The following NKAIN2 variants were observed in gnomAD, a reference collection of about 807,000 sequenced individuals.
NKAIN2 encodes sodium/potassium-transporting ATPase subunit beta-1-interacting protein 2.
A neutral mutation model predicts 32.6 loss-of-function variants in NKAIN2; 14 were observed. The observed-to-expected ratio is 0.43, with a 90% CI of 0.28 to 0.67. NKAIN2 has a LOEUF of 0.67. Among genes scored for constraint, NKAIN2 ranks in the 30% least tolerant of loss-of-function variants. The probability of loss-of-function intolerance (pLI) is 0.17; values close to 1 mark genes in which losing one functional copy is unlikely to be tolerated. For synonymous variants in NKAIN2, 80 were observed against 87.2 expected, an observed-to-expected ratio of 0.92 and a Z score of 0.46; for missense variants, 198 against 258.3, an observed-to-expected ratio of 0.77 and a Z score of 1.60.
intron 3 of NKAIN2, among the ~76,000 whole-genome samples, chr6:124,476,385 G>T (rs1777212855): frequency 7.1e-6 from 1 of 141,542 alleles, no homozygotes. Flanking sequence ...GAATTCATAT[G>T]TATGTATGTG....
intron 2 of NKAIN2, among the ~76,000 whole-genome samples, chr6:124,298,719 A>G (rs1437258944): frequency 6.6e-6 from 1 of 152,148 alleles, no homozygotes; most frequent in Non-Finnish European, 1.5e-5. Flanking sequence ...TGAACTCAGC[A>G]GATAATGCAT....
At chr6:124,729,409 C>A (rs562690772) in intron 4 of NKAIN2, among the ~76,000 whole-genome samples, 1 of 151,754 alleles carries the variant, frequency 6.6e-6, no homozygotes, top group Admixed American at 6.6e-5. Context: ...TCAATATACA[C>A]AAATCAATAA....
At chr6:124,100,916 G>C (rs1784856157) in intron 1 of NKAIN2, among the ~76,000 whole-genome samples, 1 of 152,154 alleles carries the variant, frequency 6.6e-6, no homozygotes, top group South Asian at 2.1e-4. Context: ...TGAGGGTGGG[G>C]ACAAAATATA....
intron 1 of NKAIN2, among the ~76,000 whole-genome samples, chr6:123,811,203 T>G (rs1190782252): frequency 6.6e-6 from 1 of 152,216 alleles, no homozygotes; most frequent in Non-Finnish European, 1.5e-5. Context: ...TCAGGACCTA[T>G]TTCTGACTTT....
intron 4 of NKAIN2, among the ~76,000 whole-genome samples, chr6:124,781,041 T>C (rs1188330062): frequency 6.6e-6 from 1 of 152,242 alleles, no homozygotes; most frequent in Non-Finnish European, 1.5e-5. Flanking sequence ...AGTATTATCA[T>C]CTGTATCCAG....
chr6:124,009,191 G>A (rs1263667486), intron 1 of NKAIN2, among the ~76,000 whole-genome samples: 1 of 152,016 alleles, frequency 6.6e-6, no homozygotes, highest in Non-Finnish European at 1.5e-5. Context: ...ACTTTCATTA[G>A]GAGGGCTGTC....
chr6:124,788,619 C>A (rs1779607607), intron 4 of NKAIN2, among the ~76,000 whole-genome samples: 1 of 151,944 alleles, frequency 6.6e-6, no homozygotes, highest in African/African-American at 2.4e-5. Flanking sequence ...AGTATAAAAC[C>A]ATCAGATCTT....
intron 4 of NKAIN2, among the ~76,000 whole-genome samples, chr6:124,755,318 A>G (rs907021821): frequency 1.3e-5 from 2 of 152,264 alleles, no homozygotes; most frequent in Non-Finnish European, 2.9e-5. Context: ...GCTTTGTTCT[A>G]GCCATACTGG....
chr6:124,310,872 G>A (rs980457284), intron 2 of NKAIN2, among the ~76,000 whole-genome samples: 1 of 152,140 alleles, frequency 6.6e-6, no homozygotes, highest in Admixed American at 6.6e-5. Context: ...TAAGGTGGAA[G>A]CACACTGATC....
At chr6:124,803,355 A>G (rs547109349) in intron 5 of NKAIN2, among the ~76,000 whole-genome samples, 26 of 152,300 alleles carry the variant, frequency 1.7e-4, no homozygotes, top group Non-Finnish European at 3.7e-4. Flanking sequence ...GCTTTGGCCT[A>G]TCATTCTGCC....
chr6:123,970,840 C>G (rs1471004529), intron 1 of NKAIN2, among the ~76,000 whole-genome samples: 1 of 151,640 alleles, frequency 6.6e-6, no homozygotes, highest in Non-Finnish European at 1.5e-5. Flanking sequence ...TGAGATCGCG[C>G]CACTGCACTC....
At chr6:124,519,400 G>A (rs1426344253) in intron 3 of NKAIN2, among the ~76,000 whole-genome samples, 2 of 152,130 alleles carry the variant, frequency 1.3e-5, no homozygotes, top group Non-Finnish European at 2.9e-5. Flanking sequence ...TTTCACACTG[G>A]AGTTAGAATT....
At chr6:124,473,668 A>G (rs1393446908) in intron 3 of NKAIN2, among the ~76,000 whole-genome samples, 1 of 152,152 alleles carries the variant, frequency 6.6e-6, no homozygotes, top group East Asian at 1.9e-4. Context: ...ATGCTCTTCT[A>G]TATGCTCCAT....
chr6:123,918,763 T>C (rs544001282), intron 1 of NKAIN2, among the ~76,000 whole-genome samples: 5 of 152,248 alleles, frequency 3.3e-5, no homozygotes, highest in African/African-American at 7.2e-5. Context: ...TAGGCAAATG[T>C]AGTTTTTTGA....
At chr6:124,229,497 T>TAGAC (rs1288253693) in intron 1 of NKAIN2, among the ~76,000 whole-genome samples, 168 of 127,226 alleles carry the variant, frequency 1.3e-3, no homozygotes, top group Non-Finnish European at 2.1e-3. Context: ...GATAGATAGA[T>TAGAC]AGACAGATAG....
intron 3 of NKAIN2, among the ~76,000 whole-genome samples, chr6:124,560,986 A>AC (rs1363904306): frequency 1.3e-5 from 2 of 152,160 alleles, no homozygotes; most frequent in Admixed American, 1.3e-4. Context: ...AATCTTCTAG[A>AC]CCCAGAGGTG....
intron 3 of NKAIN2, among the ~76,000 whole-genome samples, chr6:124,611,664 A>G (rs1301093851): frequency 6.6e-6 from 1 of 152,128 alleles, no homozygotes; most frequent in Non-Finnish European, 1.5e-5. Flanking sequence ...ACCACTTTAA[A>G]TTATAGACAG....
intron 3 of NKAIN2, among the ~76,000 whole-genome samples, chr6:124,649,508 G>A (rs941202275): frequency 1.2e-4 from 19 of 152,196 alleles, no homozygotes; most frequent in African/African-American, 4.1e-4. Context: ...ACCTAGATAG[G>A]TTCACTGGTG....
chr6:124,017,689 G>A (rs1372047901), intron 1 of NKAIN2, among the ~76,000 whole-genome samples: 2 of 152,220 alleles, frequency 1.3e-5, no homozygotes, highest in East Asian at 3.9e-4. Flanking sequence ...TTGATTCCAT[G>A]TCTCACATCC....
Sources: allele counts gnomAD v4.1 joint callset (sites outside exome capture counted in the v4.1 genomes callset), GRCh38; gene constraint gnomAD v4.1.1; transcripts MANE v1.5; gene names NCBI Gene and HGNC (gene_info 2026-07-23, HGNC 2026-07-21).